The following LAMA2 variants were observed in gnomAD, a reference collection of about 807,000 sequenced individuals.
LAMA2 encodes laminin subunit alpha 2.
LAMA2 carries 269 observed loss-of-function variants against 364.8 expected under a neutral mutation model. That is an observed-to-expected ratio of 0.74 (90% CI 0.67 to 0.82). The LOEUF is 0.82. Ranked by LOEUF, LAMA2 falls within the 40% of genes least tolerant of loss-of-function variation. The pLI, the probability that LAMA2 is intolerant of heterozygous loss-of-function variation, is 0.00. For missense variants in LAMA2, 3,807 were observed against 3,873.2 expected (o/e 0.98, Z 0.45); for synonymous variants, 1,379 against 1,370.6 (o/e 1.01, Z -0.14).
intron 7 of LAMA2, among the ~76,000 whole-genome samples, chr6:129,149,664 T>A (rs571808279): frequency 8.5e-4 from 130 of 152,268 alleles, no homozygotes; most frequent in Non-Finnish European, 1.6e-3. Flanking sequence ...CACAAAATGT[T>A]CCCCACCTAT....
chr6:129,346,279 T>C (rs1385417040), intron 30 of LAMA2, among the ~76,000 whole-genome samples: 1 of 152,208 alleles, frequency 6.6e-6, no homozygotes, highest in East Asian at 1.9e-4. Flanking sequence ...TTGGCATTTC[T>C]TGCACTTATC....
chr6:129,154,288 G>C (rs1778977021), intron 7 of LAMA2, among the ~76,000 whole-genome samples: 1 of 151,952 alleles, frequency 6.6e-6, no homozygotes, highest in African/African-American at 2.4e-5. Context: ...GTGCATGCCT[G>C]TTGTCCCCAG....
chr6:128,946,377 T>C (rs1485257490), intron 1 of LAMA2, among the ~76,000 whole-genome samples: 1 of 152,160 alleles, frequency 6.6e-6, no homozygotes, highest in Non-Finnish European at 1.5e-5. Flanking sequence ...CAGTACACTG[T>C]GGAATATTGT....
chr6:128,960,837 G>A (rs1329342825), intron 1 of LAMA2, among the ~76,000 whole-genome samples: 1 of 151,900 alleles, frequency 6.6e-6, no homozygotes, highest in Admixed American at 6.6e-5. Flanking sequence ...CATGCCATAT[G>A]TTTTGCTAGT....
chr6:129,092,961 A>G (rs995089454), intron 3 of LAMA2, among the ~76,000 whole-genome samples: 4 of 151,816 alleles, frequency 2.6e-5, no homozygotes, highest in Admixed American at 1.3e-4. Flanking sequence ...AAAACACAAT[A>G]CTCTTTAGTA....
chr6:129,070,721 C>T (rs1458296023), intron 3 of LAMA2, among the ~76,000 whole-genome samples: 1 of 152,032 alleles, frequency 6.6e-6, no homozygotes, highest in Non-Finnish European at 1.5e-5. Flanking sequence ...TAATTTCAAC[C>T]TTTCTGCAAC....
intron 1 of LAMA2, among the ~76,000 whole-genome samples, chr6:129,021,548 A>T (rs757426673): frequency 3.9e-5 from 6 of 152,214 alleles, no homozygotes; most frequent in African/African-American, 7.2e-5. Flanking sequence ...TGCTACAAAC[A>T]TATATAGAGT....
intron 29 of LAMA2, among the ~76,000 whole-genome samples, chr6:129,333,959 A>G (rs917667230): frequency 2.0e-5 from 3 of 152,160 alleles, no homozygotes; most frequent in African/African-American, 4.8e-5. Flanking sequence ...TAGATGAAGT[A>G]AAAAATAAAT....
At chr6:129,151,433 C>T (rs1186946762) in intron 7 of LAMA2, among the ~76,000 whole-genome samples, 1 of 152,146 alleles carries the variant, frequency 6.6e-6, no homozygotes, top group Non-Finnish European at 1.5e-5. Context: ...CTCCTATAAT[C>T]CCAGCTACTG....
chr6:129,166,469 T>TACGAATTGTA (rs1211743770), intron 9 of LAMA2, among the ~76,000 whole-genome samples: 1 of 152,326 alleles, frequency 6.6e-6, no homozygotes, highest in African/African-American at 2.4e-5. Context: ...CAATTCTTGT[T>TACGAATTGTA]ACCTGCTTTC....
chr6:128,978,124 C>G (rs1782645925), intron 1 of LAMA2, among the ~76,000 whole-genome samples: 1 of 152,160 alleles, frequency 6.6e-6, no homozygotes, highest in South Asian at 2.1e-4. Context: ...ATGAGTTTAA[C>G]TGACTCATTC....
intron 30 of LAMA2, among the ~76,000 whole-genome samples, chr6:129,347,099 T>C (rs1776598321): frequency 1.3e-5 from 2 of 152,146 alleles, no homozygotes; most frequent in South Asian, 4.1e-4. Context: ...CTAACTCTCC[T>C]GAGGGCTAAA....
chr6:129,265,414 A>G (rs1787435995), intron 15 of LAMA2, among the ~76,000 whole-genome samples: 1 of 152,176 alleles, frequency 6.6e-6, no homozygotes, highest in Non-Finnish European at 1.5e-5. Context: ...GGAAAACTTC[A>G]TGAATATCTG....
Position 128,910,478 on chromosome 6 carries a change from T to C in LAMA2, c.112+27121T>C, listed in dbSNP as rs552738118. ...TCACGTAGTTCTCGAGCCTTGGTTT[T>C]CAGCTCCATCAGCTCCTTTAAGCAT... On this transcript the variant is annotated intron_variant, in intron 1 of 64. Coordinates refer to ENST00000421865, the MANE Select transcript of LAMA2 (RefSeq NM_000426.4). 4.1e-3 allele frequency among the ~76,000 whole-genome samples: 621 copies of C among 152,226 alleles called. 5 individuals are homozygous for C. Among genetic ancestry groups the C allele is most frequent in the African/African-American group, 0.014 (593 of 41,556 alleles).
At chr6:129,237,390 G>T (rs982572488) in intron 12 of LAMA2, among the ~76,000 whole-genome samples, 1 of 152,108 alleles carries the variant, frequency 6.6e-6, no homozygotes, top group Non-Finnish European at 1.5e-5. Context: ...AGGCTGGAGT[G>T]CAGTGGTGTG....
intron 1 of LAMA2, among the ~76,000 whole-genome samples, chr6:128,924,279 A>G (rs1362590806): frequency 1.3e-5 from 2 of 152,116 alleles, no homozygotes; most frequent in Non-Finnish European, 2.9e-5. Flanking sequence ...TCTTTCCATT[A>G]ACATGGTGTT....
chr6:129,183,331 T>C (rs1035404209), intron 10 of LAMA2, among the ~76,000 whole-genome samples: 5 of 152,016 alleles, frequency 3.3e-5, no homozygotes, highest in Admixed American at 6.6e-5. Context: ...ATAATATAAA[T>C]TGACATTGAT....
chr6:129,226,365 C>A (rs1382804469), intron 12 of LAMA2, among the ~76,000 whole-genome samples: 1 of 152,104 alleles, frequency 6.6e-6, no homozygotes, highest in Non-Finnish European at 1.5e-5. Flanking sequence ...TGAATATGAT[C>A]CTGTCATTAT....
chr6:129,190,381 A>G, intron 11 of LAMA2, 36 bp downstream of exon 11: 4 of 1,605,836 alleles, frequency 2.5e-6, no homozygotes, highest in African/African-American at 1.3e-5. Flanking sequence ...TTGCTGCCCC[A>G]GCAGCCTTCT....
Sources: allele counts gnomAD v4.1 joint callset (sites outside exome capture counted in the v4.1 genomes callset), GRCh38; gene constraint gnomAD v4.1.1; transcripts MANE v1.5; gene names NCBI Gene and HGNC (gene_info 2026-07-23, HGNC 2026-07-21).